Variants in CCR3 observed in about 807,000 individuals in gnomAD.
The protein encoded by CCR3 is C-C chemokine receptor type 3.
For synonymous variants in CCR3, 203 were observed against 179.2 expected (o/e 1.13, Z -1.06); for missense variants, 419 against 437.5 (o/e 0.96, Z 0.38).
intron 2 of CCR3, among the ~76,000 whole-genome samples, chr3:46,229,463 A>G (rs928858154): frequency 1.2e-4 from 19 of 152,220 alleles, no homozygotes; most frequent in African/African-American, 4.6e-4. Flanking sequence ...CCTAAAATGT[A>G]TAGCATTGAT....
chr3:46,244,789 TG>T (rs1184200554), intron 1 of CCR3, among the ~76,000 whole-genome samples: 2 of 152,188 alleles, frequency 1.3e-5, no homozygotes, highest in Non-Finnish European at 2.9e-5. Flanking sequence ...ACAGGGGATG[TG>T]ATGGCTTGGC....
chr3:46,244,699 G>A (rs1700158984), intron 1 of CCR3, among the ~76,000 whole-genome samples: 1 of 152,326 alleles, frequency 6.6e-6, no homozygotes, highest in Non-Finnish European at 1.5e-5. Context: ...AATGTCATCA[G>A]TTAAGGCGGG....
intron 1 of CCR3, among the ~76,000 whole-genome samples, chr3:46,261,486 A>G (rs1319750882): frequency 6.6e-6 from 1 of 152,236 alleles, no homozygotes; most frequent in Non-Finnish European, 1.5e-5. Flanking sequence ...AATTTGTCAG[A>G]TAAGAATGGA....
chr3:46,249,064 C>T (rs1307323371), intron 1 of CCR3, among the ~76,000 whole-genome samples: 1 of 152,008 alleles, frequency 6.6e-6, no homozygotes, highest in Non-Finnish European at 1.5e-5. Context: ...TGGCATTGAG[C>T]AGGGTAAGGG....
At chr3:46,256,656 A>C (rs1700431323) in intron 1 of CCR3, among the ~76,000 whole-genome samples, 2 of 152,222 alleles carry the variant, frequency 1.3e-5, no homozygotes, top group Admixed American at 6.5e-5. Flanking sequence ...TTTTATTCAT[A>C]AATAAATAGT....
chr3:46,251,825 T>C (rs1295724749), intron 1 of CCR3, among the ~76,000 whole-genome samples: 1 of 152,008 alleles, frequency 6.6e-6, no homozygotes, highest in Non-Finnish European at 1.5e-5. Context: ...AGGTGCTCAG[T>C]GGGGGTGATT....
intron 1 of CCR3, among the ~76,000 whole-genome samples, chr3:46,245,669 G>A (rs528520282): frequency 2.4e-4 from 36 of 152,108 alleles, no homozygotes; most frequent in South Asian, 1.5e-3. Context: ...CAGGTATTAA[G>A]CCTAGTAGCC....
upstream of CCR3, among the ~76,000 whole-genome samples, chr3:46,240,328 G>A (rs1401370623): frequency 6.6e-6 from 1 of 152,110 alleles, no homozygotes; most frequent in Non-Finnish European, 1.5e-5. Flanking sequence ...CTGGCTCTTG[G>A]TTCCTGGCAT....
chr3:46,232,000 G>C (rs1270483204), intron 2 of CCR3, among the ~76,000 whole-genome samples: 1 of 152,090 alleles, frequency 6.6e-6, no homozygotes, highest in Non-Finnish European at 1.5e-5. Flanking sequence ...CTGTTTATTG[G>C]AAGTGCATTG....
At chr3:46,214,189 T>C (rs1699747907) in intron 2 of CCR3, among the ~76,000 whole-genome samples, 1 of 152,208 alleles carries the variant, frequency 6.6e-6, no homozygotes, top group African/African-American at 2.4e-5. Flanking sequence ...TTATCCTCAT[T>C]CTTAGCTGAT....
At chr3:46,241,166 GCTCT>G (rs58133632), upstream of CCR3, among the ~76,000 whole-genome samples, 4 of 149,208 alleles carry the variant, frequency 2.7e-5, no homozygotes, top group Admixed American at 6.7e-5. Flanking sequence ...ATGTGTGTGC[GCTCT>G]CTCTCTCTCT....
At chr3:46,234,278 A>G (rs1699999689) in intron 2 of CCR3, among the ~76,000 whole-genome samples, 3 of 152,312 alleles carry the variant, frequency 2.0e-5, no homozygotes, top group Middle Eastern at 3.4e-3. Flanking sequence ...CTAACAGTGC[A>G]TGCTTTTATC....
intron 1 of CCR3, among the ~76,000 whole-genome samples, chr3:46,260,975 C>T (rs1700516037): frequency 6.6e-6 from 1 of 152,108 alleles, no homozygotes; most frequent in African/African-American, 2.4e-5. Flanking sequence ...CCAGTTTAAC[C>T]ACATAAGATT....
intron 1 of CCR3, among the ~76,000 whole-genome samples, chr3:46,260,756 T>C (rs1169435234): frequency 6.6e-6 from 1 of 152,224 alleles, no homozygotes; most frequent in African/African-American, 2.4e-5. Context: ...GAGGAAATTA[T>C]TTTGATGAGA....
intron 1 of CCR3, chr3:46,264,523 T>C: frequency 1.0e-6 from 1 of 955,790 alleles, no homozygotes; most frequent in Non-Finnish European, 1.6e-6. Context: ...ACAGGAGAAA[T>C]GGACATGGAT....
intron 1 of CCR3, among the ~76,000 whole-genome samples, chr3:46,262,303 A>C (rs201269712): frequency 3.3e-5 from 5 of 152,240 alleles, no homozygotes; most frequent in Admixed American, 1.3e-4. Flanking sequence ...AATAGTTTGG[A>C]GACTAAAGAA....
At chr3:46,259,368 C>T (rs1294969874) in intron 1 of CCR3, among the ~76,000 whole-genome samples, 2 of 152,092 alleles carry the variant, frequency 1.3e-5, no homozygotes, top group Non-Finnish European at 2.9e-5. Flanking sequence ...TACTATAATG[C>T]AGTTGAAGAA....
intron 1 of CCR3, among the ~76,000 whole-genome samples, chr3:46,251,686 C>T (rs942649807): frequency 7.2e-5 from 11 of 152,128 alleles, no homozygotes; most frequent in East Asian, 5.8e-4. Context: ...TGAGTGCAGG[C>T]GGGCTGAGTC....
rs1472937064 is a variant in CCR3, at chr3:46,228,203, A to G, written c.-67-14199A>G. On this transcript the variant is annotated intron_variant, in intron 2 of 3. Transcript: ENST00000357422. Reference sequence around the variant, plus strand: ...CTCACAGTCCCACACAGCCTTTCCAATCTCACTGGGGACACCCTGGTCTTT... The same window carrying G: ...CTCACAGTCCCACACAGCCTTTCCAGTCTCACTGGGGACACCCTGGTCTTT... 2.7e-5 allele frequency among the ~76,000 whole-genome samples: 4 copies of G among 149,934 alleles called. No homozygotes were observed. The South Asian group carries it at 6.3e-4, about 24-fold the overall frequency.
Sources: gnomAD v4.1 joint callset for allele counts (sites outside exome capture counted in the v4.1 genomes callset) on GRCh38, gnomAD v4.1.1 for gene constraint, MANE v1.5 for transcripts, NCBI Gene and HGNC (gene_info 2026-07-23, HGNC 2026-07-21) for gene names.